Variants in CACNA1A observed in about 807,000 individuals in gnomAD.
CACNA1A encodes the protein calcium voltage-gated channel subunit alpha1 A.
CACNA1A carries 57 observed loss-of-function variants against 262.4 expected under a neutral mutation model. The observed-to-expected ratio is 0.22, with a 90% CI of 0.18 to 0.27. The LOEUF (loss-of-function observed/expected upper bound fraction) is 0.27, where lower values mean the gene tolerates loss of function less well. Ranked by LOEUF, CACNA1A falls within the 10% of genes least tolerant of loss-of-function variation. The pLI, the probability that CACNA1A is intolerant of heterozygous loss-of-function variation, is 1.00. For synonymous variants in CACNA1A, 1,431 were observed against 1,419.3 expected (o/e 1.01, Z -0.18); for missense variants, 2,526 against 3,562.8 (o/e 0.71, Z 7.41).
At chr19:13,400,947 C>G (rs2059890309) in intron 3 of CACNA1A, among the ~76,000 whole-genome samples, 1 of 152,172 alleles carries the variant, frequency 6.6e-6, no homozygotes, top group African/African-American at 2.4e-5. Context: ...GCCTCAGCCT[C>G]CTGAGTAGCT....
chr19:13,270,650 G>A (rs1032807165), intron 24 of CACNA1A, among the ~76,000 whole-genome samples: 1 of 152,208 alleles, frequency 6.6e-6, no homozygotes. Context: ...GCTCTTAGGT[G>A]TGCAGGAATG....
intron 3 of CACNA1A, chr19:13,451,072 C>A (rs1230947628): frequency 6.6e-6 from 1 of 152,224 alleles, no homozygotes; most frequent in Non-Finnish European, 1.5e-5. Context: ...TTGGAACCCA[C>A]CAAGGTCCCA....
intron 1 of CACNA1A, among the ~76,000 whole-genome samples, chr19:13,464,490 A>G (rs2061184571): frequency 6.6e-6 from 1 of 151,996 alleles, no homozygotes; most frequent in Admixed American, 6.6e-5. Flanking sequence ...TAATCATGCA[A>G]TAAATGTTCA....
At chr19:13,451,867 TTC>T (rs35145580) in intron 3 of CACNA1A, 19,196 of 150,146 alleles carry the variant, frequency 0.13, 1,537 homozygotes, top group East Asian at 0.28. Context: ...ACTTTTTTTT[TTC>T]GAGATGGGGT....
chr19:13,479,434 T>C (rs764145594), intron 1 of CACNA1A, among the ~76,000 whole-genome samples: 1 of 152,008 alleles, frequency 6.6e-6, no homozygotes, highest in Non-Finnish European at 1.5e-5. Flanking sequence ...GGCCCTGAGG[T>C]AGGACTGTGC....
chr19:13,456,343 C>T (rs2061006312), intron 1 of CACNA1A, among the ~76,000 whole-genome samples: 1 of 152,042 alleles, frequency 6.6e-6, no homozygotes, highest in South Asian at 2.1e-4. Context: ...AAGCTATTTG[C>T]AAATCATGTA....
chr19:13,336,594 GGAGAGAGAGAGA>G (rs547329827), intron 6 of CACNA1A, among the ~76,000 whole-genome samples: 21 of 65,490 alleles, frequency 3.2e-4, no homozygotes, highest in South Asian at 6.5e-4. Flanking sequence ...AGAGAGAGAG[GGAGAGAGAGAGA>G]GAGAGAGAGA....
chr19:13,224,324 C>A (rs1317232859), intron 38 of CACNA1A, among the ~76,000 whole-genome samples: 29 of 143,066 alleles, frequency 2.0e-4, no homozygotes, highest in African/African-American at 1.5e-4. Flanking sequence ...ATTGTCACAC[C>A]AAAAAAAAAA....
intron 3 of CACNA1A, among the ~76,000 whole-genome samples, chr19:13,422,501 G>C (rs2144789282): frequency 6.6e-6 from 1 of 152,316 alleles, no homozygotes; most frequent in Non-Finnish European, 1.5e-5. Flanking sequence ...ACTCCTTGGG[G>C]TTGGGGAGTT....
chr19:13,242,094 G>T (rs1295681402), intron 31 of CACNA1A, among the ~76,000 whole-genome samples: 1 of 152,126 alleles, frequency 6.6e-6, no homozygotes, highest in Non-Finnish European at 1.5e-5. Context: ...TCCAGGTTGG[G>T]AGTTAATTGT....
chr19:13,393,518 T>TTCCC (rs2059747571), intron 3 of CACNA1A, among the ~76,000 whole-genome samples: 1 of 148,894 alleles, frequency 6.7e-6, no homozygotes, highest in African/African-American at 2.5e-5. Context: ...CCTTCCTTCC[T>TTCCC]TCCCTCCCTC....
At chr19:13,399,740 A>T (rs533357891) in intron 3 of CACNA1A, among the ~76,000 whole-genome samples, 1 of 152,266 alleles carries the variant, frequency 6.6e-6, no homozygotes, top group South Asian at 2.1e-4. Context: ...TTCCCCACAA[A>T]GCCCAGGCTC....
At position 13,219,291 on chromosome 19, in the gene CACNA1A, C is replaced by T. The variant is rs573056486; in HGVS notation, c.5732-4683G>A. 5.9e-5 allele frequency among the ~76,000 whole-genome samples: 9 copies of T among 152,016 alleles called. No individual in the cohort carries two copies. The East Asian group carries it at 1.6e-3, about 26-fold the overall frequency. On this transcript the variant is annotated intron_variant, in intron 38 of 46. Transcript: ENST00000360228. ...TCGTGACCTCAAGTGATCTGCCTAC[C>T]TCGCCCTCCCAAAGTGCTGGGATTA...
intron 6 of CACNA1A, among the ~76,000 whole-genome samples, chr19:13,352,876 G>A (rs2058940271): frequency 6.6e-6 from 1 of 152,000 alleles, no homozygotes; most frequent in Non-Finnish European, 1.5e-5. Flanking sequence ...GGGCTCAATC[G>A]ATTTTCCTGC....
chr19:13,283,912 C>T (rs1042742748), intron 21 of CACNA1A: 2 of 152,528 alleles, frequency 1.3e-5, no homozygotes, highest in African/African-American at 4.8e-5. Context: ...AGACCCAAGA[C>T]TTAATTTATG....
Position 13,214,004 on chromosome 19 carries a change from G to A in CACNA1A, c.5940+229C>T, listed in dbSNP as rs892018. The stretch of plus-strand genomic sequence containing the variant: ...CCTGGCTAATGTTTTATTTTGTAGA[G>A]ATGGAGTCTCACTGTGTTGCCCAGG... On this transcript the variant is annotated intron_variant, in intron 40 of 46. Coordinates refer to ENST00000360228, the MANE Select transcript of CACNA1A (RefSeq NM_001127222.2). This position sits in a 1 kb window ranked among gnomAD's most constrained non-coding sequence, Gnocchi z 4.1. 0.82 allele frequency: 435,649 copies of A among 531,956 alleles called. 179,905 individuals carry two copies. Among genetic ancestry groups the A allele is most frequent in the African/African-American group, 0.93 (48,702 of 52,494 alleles). The allele number at this position is 531,956 out of a possible 1,614,324, so 33.0% of individuals were successfully genotyped here. A position where few individuals can be genotyped will look rare whatever the true frequency, so the allele number is the denominator to read the frequency against.
At chr19:13,211,994 G>A (rs2054828735) in intron 43 of CACNA1A, 109 bp downstream of exon 43, 1 of 704,294 alleles carries the variant, frequency 1.4e-6, no homozygotes. Context: ...TCCCTACCCA[G>A]GCCTGAGTCC....
chr19:13,481,872 T>C (rs1168889785), intron 1 of CACNA1A, among the ~76,000 whole-genome samples: 3 of 151,902 alleles, frequency 2.0e-5, no homozygotes, highest in African/African-American at 7.3e-5. Flanking sequence ...TCTGACTCCA[T>C]CAAGGCATCT....
At chr19:13,361,618 G>A (rs967206164) in intron 5 of CACNA1A, among the ~76,000 whole-genome samples, 1 of 152,216 alleles carries the variant, frequency 6.6e-6, no homozygotes. Flanking sequence ...GCACACAGCA[G>A]AGGGAAATAA....
Sources: gnomAD v4.1 joint callset for allele counts (sites outside exome capture counted in the v4.1 genomes callset) on GRCh38, gnomAD v4.1.1 for gene constraint, Gnocchi (gnomAD v3.1) non-coding constraint, MANE v1.5 for transcripts, NCBI Gene and HGNC (gene_info 2026-07-23, HGNC 2026-07-21) for gene names.